SASH1: variants seen among roughly 807,000 people sequenced by gnomAD.
SASH1 encodes the protein SAM and SH3 domain containing 1.
A neutral mutation model predicts 125.2 loss-of-function variants in SASH1; 44 were observed. That is an observed-to-expected ratio of 0.35 (90% CI 0.28 to 0.45). The LOEUF (loss-of-function observed/expected upper bound fraction) is 0.45, where lower values mean the gene tolerates loss of function less well. Ranked by LOEUF, SASH1 falls within the 20% of genes least tolerant of loss-of-function variation. SASH1 has a pLI of 1.00. For synonymous variants in SASH1, 639 were observed against 649.1 expected (o/e 0.98, Z 0.24); for missense variants, 1,426 against 1,614.5 (o/e 0.88, Z 2.00).
intron 1 of SASH1, among the ~76,000 whole-genome samples, chr6:148,297,398 G>C (rs191319264): frequency 6.6e-6 from 1 of 152,262 alleles, no homozygotes; most frequent in African/African-American, 2.4e-5. Flanking sequence ...AACACTTTAA[G>C]ATGAGAACAA....
chr6:148,412,165 G>A (rs1040090629), intron 2 of SASH1, among the ~76,000 whole-genome samples: 56 of 152,104 alleles, frequency 3.7e-4, no homozygotes, highest in Non-Finnish European at 2.6e-4. Context: ...CAAATCAGAA[G>A]CATTATTTTG....
At chr6:148,535,116 C>T (rs1403242731) in intron 16 of SASH1, among the ~76,000 whole-genome samples, 1 of 152,192 alleles carries the variant, frequency 6.6e-6, no homozygotes, top group Non-Finnish European at 1.5e-5. Context: ...GTGCTTAGGT[C>T]CCTGGAGTCA....
At chr6:148,426,814 C>A (rs972080570) in intron 2 of SASH1, among the ~76,000 whole-genome samples, 1 of 152,092 alleles carries the variant, frequency 6.6e-6, no homozygotes, top group African/African-American at 2.4e-5. Context: ...GTTAGTCAAT[C>A]CCAGTGAGCA....
intron 1 of SASH1, among the ~76,000 whole-genome samples, chr6:148,326,457 T>C (rs780000115): frequency 2.8e-5 from 4 of 144,772 alleles, no homozygotes; most frequent in Non-Finnish European, 6.0e-5. Context: ...CAGGCTAGAG[T>C]GCAATGGCGT....
intron 1 of SASH1, among the ~76,000 whole-genome samples, chr6:148,319,663 C>T (rs944733126): frequency 1.6e-4 from 24 of 151,902 alleles, no homozygotes; most frequent in Non-Finnish European, 3.2e-4. Context: ...TGCAGGCATG[C>T]GCCACCACGC....
the SASH1 span, among the ~76,000 whole-genome samples, chr6:148,243,450 AAAT>A: frequency 0.093 from 12,932 of 138,434 alleles, 739 homozygotes; most frequent in African/African-American, 0.17. Context: ...AATTCCATCT[AAAT>A]AATAATAATA....
In SASH1 at chr6:148,495,633, A is replaced by G. The variant is rs1399110897; in HGVS notation, c.729+7918A>G. On this transcript the variant is annotated intron_variant, in intron 8 of 19. Transcript: ENST00000367467. The surrounding 1 kb of genome is among the most constrained non-coding windows in gnomAD (Gnocchi z 4.0). ...TGATGAATTTACAAAATCTGCTCCC[A>G]CCTATAAATATTCCCAGCAATCTAA... Among the ~76,000 whole-genome samples, 2 of 152,158 alleles carry G rather than the reference A, an allele frequency of 1.3e-5. No homozygotes were observed. Among genetic ancestry groups the G allele is most frequent in the Non-Finnish European group, 2.9e-5 (2 of 68,022 alleles).
chr6:148,390,341 G>A, intron 2 of SASH1, 79 bp downstream of exon 2: 1 of 1,399,010 alleles, frequency 7.1e-7, no homozygotes, highest in African/African-American at 1.4e-5. Flanking sequence ...TTATCCCAGT[G>A]CTAGCTCTTC....
chr6:148,428,090 G>A (rs1188493050), intron 2 of SASH1, among the ~76,000 whole-genome samples: 3 of 152,202 alleles, frequency 2.0e-5, no homozygotes, highest in East Asian at 1.9e-4. Context: ...CATCCATCTC[G>A]TAACTGATCA....
the SASH1 span, among the ~76,000 whole-genome samples, chr6:148,243,651 CAAAAAAAAAA>C: frequency 0.12 from 8,446 of 70,942 alleles, 368 homozygotes; most frequent in Middle Eastern, 0.21. Flanking sequence ...AACTGTGTCT[CAAAAAAAAAA>C]AAAAAAAAAA....
intron 1 of SASH1, among the ~76,000 whole-genome samples, chr6:148,372,818 G>C (rs1782749455): frequency 6.6e-6 from 1 of 152,094 alleles, no homozygotes; most frequent in Non-Finnish European, 1.5e-5. Flanking sequence ...TCCTGGACTT[G>C]ACACCTTAGT....
intron 10 of SASH1, among the ~76,000 whole-genome samples, chr6:148,522,224 G>C (rs1390348841): frequency 1.3e-5 from 2 of 152,228 alleles, no homozygotes; most frequent in Non-Finnish European, 2.9e-5. Context: ...TATGTGTTCA[G>C]TAGGAAGTTA....
chr6:148,405,170 GT>G (rs1056608076), intron 2 of SASH1, among the ~76,000 whole-genome samples: 39 of 151,994 alleles, frequency 2.6e-4, no homozygotes, highest in African/African-American at 9.2e-4. Context: ...GGGTGATTCT[GT>G]GCCTTTCTTA....
the SASH1 span, among the ~76,000 whole-genome samples, chr6:148,259,577 C>T: frequency 6.6e-6 from 1 of 152,134 alleles, no homozygotes; most frequent in Admixed American, 6.6e-5. Context: ...CTGGGTGCCC[C>T]GGGAAGGCAG....
intron 16 of SASH1, among the ~76,000 whole-genome samples, chr6:148,539,710 A>C (rs1011225785): frequency 7.2e-5 from 11 of 152,202 alleles, no homozygotes; most frequent in African/African-American, 2.7e-4. Context: ...GCTTTTACTT[A>C]TATGCAGGAG....
rs375511452 is a variant in SASH1 at position 148,387,641 on chromosome 6, T to C, written c.157-2493T>C. On this transcript the variant is annotated intron_variant, in intron 1 of 19. Transcript: ENST00000367467. ...CTTTCTTTCTTTCTTTCTTTCTTTC[T>C]TTCTTTCTTTCTTTCTTTCTTTCTT... is the stretch of plus-strand genomic sequence containing the variant. Among the ~76,000 whole-genome samples the C allele has an allele frequency of 1.3e-4, 11 of 86,528 alleles. 1 individual carries two copies. The highest frequency in any genetic ancestry group is 2.5e-4 in the East Asian group (1 of 4,002). The allele number at this position is 86,528 out of a possible 152,430, so 56.8% of individuals were successfully genotyped here.
chr6:148,320,905 C>T (rs1450203784), intron 1 of SASH1, among the ~76,000 whole-genome samples: 1 of 152,228 alleles, frequency 6.6e-6, no homozygotes, highest in African/African-American at 2.4e-5. Flanking sequence ...CACCACATGG[C>T]TGAGTAATTT....
chr6:148,293,205 G>A (rs1386545019), intron 1 of SASH1, among the ~76,000 whole-genome samples: 1 of 152,174 alleles, frequency 6.6e-6, no homozygotes, highest in Non-Finnish European at 1.5e-5. Context: ...AACCCTGTAG[G>A]TGCTCAGTGC....
chr6:148,368,581 C>G (rs558586885), intron 1 of SASH1, among the ~76,000 whole-genome samples: 47 of 152,158 alleles, frequency 3.1e-4, no homozygotes, highest in African/African-American at 9.9e-4. Flanking sequence ...AGGACCAGCT[C>G]TTTGTTAGCC....
Sources: allele counts gnomAD v4.1 joint callset (sites outside exome capture counted in the v4.1 genomes callset), GRCh38; gene constraint gnomAD v4.1.1; non-coding constraint Gnocchi (gnomAD v3.1); transcripts MANE v1.5; gene names NCBI Gene and HGNC (gene_info 2026-07-23, HGNC 2026-07-21).